LINC00305: variants seen among roughly 807,000 people sequenced by gnomAD.
The protein encoded by LINC00305 is long independently transcribed non-coding RNA 305.
At chr18:64,103,430 T>C (rs1173834930) in intron 1 of LINC00305, among the ~76,000 whole-genome samples, 2 of 152,190 alleles carry the variant, frequency 1.3e-5, no homozygotes, top group African/African-American at 4.8e-5. Flanking sequence ...CTCTTAATTA[T>C]CTTCCTTTTG....
At chr18:64,105,543 T>C (rs1379410705) in intron 1 of LINC00305, among the ~76,000 whole-genome samples, 2 of 152,166 alleles carry the variant, frequency 1.3e-5, no homozygotes, top group African/African-American at 2.4e-5. Context: ...ATAAACATTA[T>C]ATATTATTTC....
chr18:64,143,326 T>C (rs933838532), intron 1 of LINC00305, among the ~76,000 whole-genome samples: 1 of 152,120 alleles, frequency 6.6e-6, no homozygotes, highest in African/African-American at 2.4e-5. Flanking sequence ...TACCTGTTGA[T>C]ATCTAGCTGG....
chr18:64,143,670 A>ACATGTATGTACACGTATTATGCG (rs2051480043), intron 1 of LINC00305, among the ~76,000 whole-genome samples: 4 of 126,110 alleles, frequency 3.2e-5, no homozygotes, highest in African/African-American at 1.3e-4. Flanking sequence ...CGTATTATGT[A>ACATGTATGTACACGTATTATGCG]TACATATGTA....
chr18:64,126,446 T>C (rs1225310969), intron 1 of LINC00305, among the ~76,000 whole-genome samples: 1 of 152,098 alleles, frequency 6.6e-6, no homozygotes, highest in East Asian at 1.9e-4. Context: ...TTCTCTAAAA[T>C]CGAAATAGGC....
intron 1 of LINC00305, among the ~76,000 whole-genome samples, chr18:64,141,183 C>T (rs949938974): frequency 6.6e-6 from 1 of 151,684 alleles, no homozygotes; most frequent in Non-Finnish European, 1.5e-5. Flanking sequence ...CACCTTTAAC[C>T]TATAAAAACT....
chr18:64,091,874 A>G (rs1037031281), intron 3 of LINC00305, among the ~76,000 whole-genome samples: 2 of 152,248 alleles, frequency 1.3e-5, no homozygotes, highest in East Asian at 1.9e-4. Context: ...CCAGAAAAAA[A>G]GCTTGCATAA....
At chr18:64,099,929 G>A (rs1372237869) in intron 1 of LINC00305, among the ~76,000 whole-genome samples, 2 of 152,164 alleles carry the variant, frequency 1.3e-5, no homozygotes, top group Admixed American at 6.5e-5. Flanking sequence ...GTTCAAAGTT[G>A]TGCAAAGCTG....
At chr18:64,100,295 T>C (rs1241575737) in intron 1 of LINC00305, among the ~76,000 whole-genome samples, 2 of 152,196 alleles carry the variant, frequency 1.3e-5, no homozygotes, top group African/African-American at 4.8e-5. Context: ...TCAAGCATCA[T>C]ATTTCATTTA....
chr18:64,101,235 C>G (rs189291766), intron 1 of LINC00305, among the ~76,000 whole-genome samples: 2 of 152,080 alleles, frequency 1.3e-5, no homozygotes, highest in African/African-American at 2.4e-5. Flanking sequence ...AACTCGGCAT[C>G]GAGGAACAAG....
chr18:64,119,654 A>T (rs964122681), intron 1 of LINC00305, among the ~76,000 whole-genome samples: 1 of 152,120 alleles, frequency 6.6e-6, no homozygotes. Context: ...CTATTATATG[A>T]TTCCTTATAG....
Position 64,104,362 on chromosome 18 carries a change from A to G in LINC00305, n.315-5722T>C, listed in dbSNP as rs1243371731. The G allele has an allele frequency of 6.6e-5, 10 of 152,348 alleles. No individual in the cohort carries two copies. In the South Asian group the frequency reaches 1.7e-3, roughly 25 times the overall value. The allele number at this position is 152,348 out of a possible 1,614,324, so 9.4% of individuals were successfully genotyped here. ...ATAAAGAAATGTAGACATATTGTAT[A>G]TTACAGAGGAAGGCAGACTTCAGCT... On this transcript the variant is annotated intron_variant and non_coding_transcript_variant, in intron 1 of 3. Transcript: ENST00000666468.
At chr18:64,123,602 C>A (rs552013743) in intron 1 of LINC00305, among the ~76,000 whole-genome samples, 2 of 152,004 alleles carry the variant, frequency 1.3e-5, no homozygotes, top group Non-Finnish European at 2.9e-5. Context: ...TCCCCTTTGG[C>A]TTATCCTATT....
chr18:64,121,376 A>G, intron 1 of LINC00305, among the ~76,000 whole-genome samples: 1 of 152,038 alleles, frequency 6.6e-6, no homozygotes, highest in South Asian at 2.1e-4. Flanking sequence ...TTCATTGTCC[A>G]TCATTTGACA....
At chr18:64,121,415 G>A (rs2051361572) in intron 1 of LINC00305, among the ~76,000 whole-genome samples, 1 of 151,768 alleles carries the variant, frequency 6.6e-6, no homozygotes, top group African/African-American at 2.4e-5. Context: ...TCACTATTTA[G>A]CTCCCACTTA....
intron 1 of LINC00305, among the ~76,000 whole-genome samples, chr18:64,147,955 T>C (rs1217805705): frequency 6.6e-6 from 1 of 152,084 alleles, no homozygotes; most frequent in African/African-American, 2.4e-5. Context: ...CCATTCACAA[T>C]AGCACACATT....
intron 1 of LINC00305, among the ~76,000 whole-genome samples, chr18:64,143,766 TTA>T (rs2051482360): frequency 6.6e-6 from 1 of 150,706 alleles, no homozygotes; most frequent in Non-Finnish European, 1.5e-5. Flanking sequence ...TGTACACATA[TTA>T]TGCGTACATG....
intron 1 of LINC00305, among the ~76,000 whole-genome samples, chr18:64,138,631 A>C (rs2051446281): frequency 6.6e-6 from 1 of 151,612 alleles, no homozygotes; most frequent in East Asian, 1.9e-4. Flanking sequence ...CTTTAGTTCT[A>C]CTCCGGGTTG....
At chr18:64,144,792 G>A (rs28831820) in intron 1 of LINC00305, among the ~76,000 whole-genome samples, 2,240 of 152,252 alleles carry the variant, frequency 0.015, 52 homozygotes, top group African/African-American at 0.05. Context: ...CTGCCAGAAC[G>A]AGCCAGCAGC....
chr18:64,105,022 C>A (rs945217341), intron 1 of LINC00305, among the ~76,000 whole-genome samples: 2 of 152,018 alleles, frequency 1.3e-5, no homozygotes, highest in African/African-American at 2.4e-5. Context: ...ACCCACCCCC[C>A]AGCTCCCCTC....
Sources: gnomAD v4.1 joint callset for allele counts (sites outside exome capture counted in the v4.1 genomes callset) on GRCh38, gnomAD v4.1.1 for gene constraint, MANE v1.5 for transcripts, NCBI Gene and HGNC (gene_info 2026-07-23, HGNC 2026-07-21) for gene names.